TOM1L2: variants seen among roughly 807,000 people sequenced by gnomAD.
TOM1L2 encodes TOM1-like protein 2.
TOM1L2 carries 31 observed loss-of-function variants against 67.9 expected under a neutral mutation model. That is an observed-to-expected ratio of 0.46 (90% CI 0.34 to 0.62). The LOEUF (loss-of-function observed/expected upper bound fraction) is 0.62. TOM1L2 is among the 20% of genes least tolerant of loss of function. The probability of loss-of-function intolerance (pLI) is 0.01; values close to 1 mark genes in which losing one functional copy is unlikely to be tolerated. For synonymous variants in TOM1L2, 256 were observed against 254.0 expected (o/e 1.01, Z -0.07); for missense variants, 606 against 663.5 (o/e 0.91, Z 0.95).
At chr17:17,941,084 G>A (rs1197210965) in intron 1 of TOM1L2, among the ~76,000 whole-genome samples, 1 of 152,186 alleles carries the variant, frequency 6.6e-6, no homozygotes, top group Non-Finnish European at 1.5e-5. Context: ...CAGAGCTACT[G>A]GAGACCATTT....
intron 1 of TOM1L2, among the ~76,000 whole-genome samples, chr17:17,968,556 T>C (rs138628526): frequency 0.015 from 2,265 of 151,982 alleles, 24 homozygotes; most frequent in Middle Eastern, 0.027. Flanking sequence ...TCCCAGCTAC[T>C]TGGGAGGCTG....
At chr17:17,912,716 A>G (rs1245129774) in intron 1 of TOM1L2, among the ~76,000 whole-genome samples, 4 of 150,332 alleles carry the variant, frequency 2.7e-5, no homozygotes, top group African/African-American at 9.9e-5. Flanking sequence ...GCAGCCAGGC[A>G]GAGGGGCTCC....
Position 17,882,757 on chromosome 17 carries a change from G to A in TOM1L2, c.608C>T (p.Pro203Leu), listed in dbSNP as rs745885112. 1.4e-5 allele frequency: 23 copies of A among 1,614,084 alleles called. No homozygotes were observed. Among genetic ancestry groups the A allele is most frequent in the South Asian group, 2.2e-5 (2 of 91,088 alleles). Residue 203 changes from proline (P) to leucine (L), a missense_variant, in exon 6 of 15, where the codon CCG becomes CTG. Around this residue, in one of 2 missense-constraint regions of TOM1L2, gnomAD observed 543 missense variants for 554.0 expected, o/e 0.98. Coordinates refer to ENST00000379504, the MANE Select transcript of TOM1L2 (RefSeq NM_001082968.2). ...AGTCACACTCAGAGCTGGGGCCTGC[G>A]GTGCGGAGTAGGGAGCAGGAGGCGG... ...SSPPPAPYSA[P>L]QAPALSVTGP... is the part of the protein sequence containing the mutation.
At chr17:17,862,907 T>C in intron 10 of TOM1L2, 59 bp from the exon 11 acceptor site, 3 of 1,224,862 alleles carry the variant, frequency 2.4e-6, no homozygotes, top group Non-Finnish European at 3.3e-6. Context: ...GTAGATCTGA[T>C]GAAGGGCCCC....
chr17:17,966,390 A>C (rs1043678771), intron 1 of TOM1L2, among the ~76,000 whole-genome samples: 2 of 152,252 alleles, frequency 1.3e-5, no homozygotes, highest in Non-Finnish European at 2.9e-5. Context: ...ACCTACATTT[A>C]ATGTTTGAAG....
intron 1 of TOM1L2, among the ~76,000 whole-genome samples, chr17:17,915,636 C>T (rs532569690): frequency 6.6e-6 from 1 of 152,036 alleles, no homozygotes; most frequent in Non-Finnish European, 1.5e-5. Context: ...CCACCTCAGC[C>T]TCCCAAGTAG....
intron 10 of TOM1L2, among the ~76,000 whole-genome samples, chr17:17,864,318 C>G (rs992551281): frequency 2.6e-5 from 4 of 151,066 alleles, no homozygotes; most frequent in Non-Finnish European, 5.9e-5. Context: ...TCACGCCATT[C>G]TCCTGCCTCA....
At position 17,924,947 on chromosome 17, in the gene TOM1L2, C is replaced by T. The variant is rs576720331; in HGVS notation, c.53-17416G>A. On this transcript the variant is annotated intron_variant, in intron 1 of 14. Coordinates refer to ENST00000379504, the MANE Select transcript of TOM1L2 (RefSeq NM_001082968.2). ...GGAGGTAGGGCCTGGTGGGCAGATCCTTCATGCCTTGATGATGTCTTTGTG... is the reference window on the plus strand; with the variant it reads ...GGAGGTAGGGCCTGGTGGGCAGATCTTTCATGCCTTGATGATGTCTTTGTG... Among the ~76,000 whole-genome samples the T allele has an allele frequency of 4.6e-5, 7 of 152,270 alleles. No homozygotes were observed. The South Asian group carries it at 1.5e-3, about 32-fold the overall frequency.
intron 7 of TOM1L2, among the ~76,000 whole-genome samples, chr17:17,870,728 G>A (rs1240536961): frequency 6.6e-6 from 1 of 152,184 alleles, no homozygotes; most frequent in Admixed American, 6.5e-5. Flanking sequence ...CTTGGCTACA[G>A]GGTCTTCCTT....
chr17:17,933,299 T>C (rs971635140), intron 1 of TOM1L2, among the ~76,000 whole-genome samples: 1 of 152,088 alleles, frequency 6.6e-6, no homozygotes, highest in African/African-American at 2.4e-5. Flanking sequence ...TATGAAGAGG[T>C]GCTCTCCTCA....
intron 12 of TOM1L2, chr17:17,857,683 G>C (rs1568067938): frequency 2.5e-6 from 3 of 1,201,924 alleles, no homozygotes; most frequent in Non-Finnish European, 3.5e-6. Context: ...ACAAAGGCTC[G>C]GCAGGTCACA....
chr17:17,942,940 C>T (rs922167465), intron 1 of TOM1L2, among the ~76,000 whole-genome samples: 1 of 152,060 alleles, frequency 6.6e-6, no homozygotes, highest in Non-Finnish European at 1.5e-5. Context: ...TCTTTTAGAG[C>T]CCTTTATCTA....
intron 8 of TOM1L2, among the ~76,000 whole-genome samples, chr17:17,868,693 T>C (rs1346502946): frequency 2.0e-5 from 3 of 152,216 alleles, no homozygotes; most frequent in African/African-American, 7.2e-5. Flanking sequence ...ATAAGACATT[T>C]TGGACTTTGT....
At chr17:17,967,497 C>G (rs2041913989) in intron 1 of TOM1L2, among the ~76,000 whole-genome samples, 1 of 152,250 alleles carries the variant, frequency 6.6e-6, no homozygotes, top group Non-Finnish European at 1.5e-5. Context: ...GAGATTAAGA[C>G]AGTTAACATT....
At chr17:17,919,406 C>A (rs991363422) in intron 1 of TOM1L2, among the ~76,000 whole-genome samples, 1 of 152,178 alleles carries the variant, frequency 6.6e-6, no homozygotes, top group African/African-American at 2.4e-5. Flanking sequence ...CTACACCCAT[C>A]AGATTCAAAA....
intron 1 of TOM1L2, among the ~76,000 whole-genome samples, chr17:17,914,934 C>A (rs1413096750): frequency 1.3e-5 from 2 of 152,090 alleles, no homozygotes; most frequent in Admixed American, 1.3e-4. Flanking sequence ...TTAATGCAGA[C>A]AGAAGACTGT....
chr17:17,850,956 T>C lies in TOM1L2; in HGVS notation c.1279-4A>G. On this transcript the variant is annotated splice_region_variant and splice_polypyrimidine_tract_variant and intron_variant, in intron 12 of 14. Transcript: ENST00000379504. ...CAGATGGCTGCGCAACGGGGATCTATGGAGGCGGCAAGCAGCGGGCCAGGC... is the reference window on the plus strand; with the variant it reads ...CAGATGGCTGCGCAACGGGGATCTACGGAGGCGGCAAGCAGCGGGCCAGGC... 1 of 1,613,730 alleles carries C rather than the reference T, an allele frequency of 6.2e-7. No individual in the cohort carries two copies. The highest frequency in any genetic ancestry group is 8.5e-7 in the Non-Finnish European group (1 of 1,179,996).
intron 1 of TOM1L2, among the ~76,000 whole-genome samples, chr17:17,940,603 G>C (rs917382519): frequency 2.6e-5 from 4 of 152,182 alleles, no homozygotes; most frequent in African/African-American, 9.7e-5. Context: ...AATAAGGTAA[G>C]CCTGAAAGAA....
intron 1 of TOM1L2, among the ~76,000 whole-genome samples, chr17:17,911,203 C>T (rs552620471): frequency 1.3e-5 from 2 of 152,174 alleles, no homozygotes; most frequent in African/African-American, 2.4e-5. Flanking sequence ...CTACCCCAGG[C>T]GAGAGAAAAT....
Sources: allele counts gnomAD v4.1 joint callset (sites outside exome capture counted in the v4.1 genomes callset), GRCh38; gene constraint gnomAD v4.1.1; regional missense constraint gnomAD v4.1.1; transcripts MANE v1.5; gene names NCBI Gene and HGNC (gene_info 2026-07-23, HGNC 2026-07-21).